Variants in TTC7A observed in about 807,000 individuals in gnomAD.
TTC7A encodes the protein tetratricopeptide repeat domain 7A, also known as tetratricopeptide repeat protein 7A.
A neutral mutation model predicts 103.7 loss-of-function variants in TTC7A; 110 were observed. That is an observed-to-expected ratio of 1.06 (90% confidence interval 0.91 to 1.24). The LOEUF is 1.24. Among genes scored for constraint, TTC7A ranks in the 50% most tolerant of loss-of-function variants. TTC7A has a pLI of 0.00. For synonymous variants in TTC7A, 521 were observed against 467.9 expected, an observed-to-expected ratio of 1.11 and a Z score of -1.47; for missense variants, 1,340 against 1,116.3, an observed-to-expected ratio of 1.20 and a Z score of -2.86.
At chr2:46,940,220 G>C (rs952991491), upstream of TTC7A, among the ~76,000 whole-genome samples, 1 of 152,168 alleles carries the variant, frequency 6.6e-6, no homozygotes, top group African/African-American at 2.4e-5. This position sits in a 1 kb window ranked among gnomAD's most constrained non-coding sequence, Gnocchi z 4.7. Context: ...GAAGACTCCA[G>C]AGGGAGGACG....
rs1271340445 is a variant in TTC7A at position 46,941,608 on chromosome 2, G to A, written c.67G>A (p.Glu23Lys). The A allele has an allele frequency of 4.5e-6, 7 of 1,556,540 alleles. No homozygotes were observed. Among genetic ancestry groups the A allele is most frequent in the South Asian group, 1.2e-5 (1 of 84,410 alleles). ...VESELERCRA[E>K]GHWDRMPELV... ...GAGCGAGCTGGAGCGCTGCCGCGCC[G>A]AGGGCCACTGGGACCGCATGCCGGA... is the stretch of plus-strand genomic sequence containing the variant. Residue 23 changes from glutamate to lysine, a missense_variant, in exon 1 of 20, where the codon GAG becomes AAG. Coordinates refer to ENST00000319190, the MANE Select transcript of TTC7A (RefSeq NM_020458.4). This position sits in a 1 kb window ranked among gnomAD's most constrained non-coding sequence, Gnocchi z 4.2.
At chr2:47,030,609 G>C (rs1488980023) in intron 15 of TTC7A, among the ~76,000 whole-genome samples, 1 of 152,198 alleles carries the variant, frequency 6.6e-6, no homozygotes, top group Non-Finnish European at 1.5e-5. Context: ...CAGTGGCCAA[G>C]GCCAACAATG....
chr2:47,031,155 AAGAGAG>A (rs373334743), intron 15 of TTC7A, among the ~76,000 whole-genome samples: 2 of 152,212 alleles, frequency 1.3e-5, no homozygotes, highest in Non-Finnish European at 2.9e-5. Context: ...TCAAAAAAGA[AAGAGAG>A]AGAGACTGCT....
intron 5 of TTC7A, among the ~76,000 whole-genome samples, chr2:46,993,100 AGACT>A (rs1308721501): frequency 1.3e-5 from 2 of 152,228 alleles, no homozygotes; most frequent in African/African-American, 4.8e-5. Context: ...GGAGAATTTG[AGACT>A]GACTGAGGTC....
At chr2:46,992,141 C>T (rs1244229719) in intron 5 of TTC7A, among the ~76,000 whole-genome samples, 1 of 152,170 alleles carries the variant, frequency 6.6e-6, no homozygotes, top group African/African-American at 2.4e-5. Flanking sequence ...CTCTGCTTTC[C>T]CTTGTGTGGT....
At chr2:47,046,152 A>C (rs116069237) in intron 15 of TTC7A, among the ~76,000 whole-genome samples, 163 bp from the exon 16 acceptor site, 95 of 152,314 alleles carry the variant, frequency 6.2e-4, no homozygotes, top group African/African-American at 2.3e-3. Flanking sequence ...CACACAGAGA[A>C]AGCAAGCGGT....
chr2:46,941,823 C>T lies in TTC7A; in HGVS notation c.184+98C>T. On this transcript the variant is annotated intron_variant, in intron 1 of 19. Coordinates refer to ENST00000319190, the MANE Select transcript of TTC7A (RefSeq NM_020458.4). The surrounding 1 kb of genome is among the most constrained non-coding windows in gnomAD (Gnocchi z 4.2). ...CAGACAGTCCTCGGCCGACAGCGGGCGCCTGCCAGCCCACCGTGCTAGTCT... is the reference window on the plus strand; with the variant it reads ...CAGACAGTCCTCGGCCGACAGCGGGTGCCTGCCAGCCCACCGTGCTAGTCT... 6.9e-7 allele frequency: 1 copy of T among 1,456,680 alleles called. No individual in the cohort carries two copies. The highest frequency in any genetic ancestry group is 9.3e-7 in the Non-Finnish European group (1 of 1,074,628). The allele number at this position is 1,456,680 out of a possible 1,614,324, so 90.2% of individuals were successfully genotyped here. A position where few individuals can be genotyped will look rare whatever the true frequency, so the allele number is the denominator to read the frequency against.
chr2:46,941,454 C>A lies in TTC7A; in HGVS notation c.-88C>A. On this transcript the variant is annotated 5_prime_UTR_variant, in exon 1 of 20. Transcript: ENST00000319190. The surrounding 1 kb of genome is among the most constrained non-coding windows in gnomAD (Gnocchi z 4.2). ...CTGCCGTCTGCGCCCCCGTCGACCCCGCCCGCGAGTGCGCCCCAGCCAGGA... is the reference window on the plus strand; with the variant it reads ...CTGCCGTCTGCGCCCCCGTCGACCCAGCCCGCGAGTGCGCCCCAGCCAGGA... 2 of 1,414,750 alleles carry A rather than the reference C, an allele frequency of 1.4e-6. No individual in the cohort carries two copies. The highest frequency in any genetic ancestry group is 1.9e-6 in the Non-Finnish European group (2 of 1,070,956). 87.6% of individuals were successfully genotyped at this position (1,414,750 alleles called of 1,614,324 possible).
chr2:47,025,389 C>A (rs1235022586), intron 14 of TTC7A, among the ~76,000 whole-genome samples: 1 of 152,180 alleles, frequency 6.6e-6, no homozygotes, highest in Non-Finnish European at 1.5e-5. Flanking sequence ...GCTCCCCTGA[C>A]CCTTTTGGAG....
In TTC7A at chr2:46,975,017, C is replaced by A; in HGVS notation, c.562C>A (p.Arg188Ser). ...RLPNSIASRF[R>S]LTEREEEVIT... Reference sequence around the variant, plus strand: ...ACCCAACTCCATCGCCTCCCGCTTCCGCCTGACAGAGAGGGAGGAGGAAGT... The same window carrying A: ...ACCCAACTCCATCGCCTCCCGCTTCAGCCTGACAGAGAGGGAGGAGGAAGT... The change falls in exon 4 of 20, where the codon CGC becomes AGC. Residue 188 changes from arginine (R) to serine (S), a missense_variant. Transcript: ENST00000319190. 1 of 1,614,052 alleles carries A rather than the reference C, an allele frequency of 6.2e-7. No homozygotes were observed. The highest frequency in any genetic ancestry group is 1.7e-4 in the Middle Eastern group (1 of 6,060).
At chr2:47,004,154 C>G (rs1392002694) in intron 8 of TTC7A, among the ~76,000 whole-genome samples, 2 of 152,204 alleles carry the variant, frequency 1.3e-5, no homozygotes, top group Non-Finnish European at 2.9e-5. Flanking sequence ...CCGGCACCCT[C>G]TCCTGGGCCA....
intron 11 of TTC7A, among the ~76,000 whole-genome samples, chr2:47,019,360 C>T (rs535828210): frequency 2.0e-5 from 3 of 151,592 alleles, no homozygotes; most frequent in African/African-American, 7.3e-5. Flanking sequence ...TAGTGAGACA[C>T]CATTTTCTAT....
At chr2:47,058,724 C>T (rs2104768547) in intron 18 of TTC7A, among the ~76,000 whole-genome samples, 1 of 152,350 alleles carries the variant, frequency 6.6e-6, no homozygotes, top group East Asian at 1.9e-4. Context: ...TGGACAAAGG[C>T]TGAGTGCCCA....
chr2:47,022,468 G>C (rs1042693219), intron 12 of TTC7A, among the ~76,000 whole-genome samples: 1 of 152,152 alleles, frequency 6.6e-6, no homozygotes, highest in Admixed American at 6.5e-5. Flanking sequence ...ACTTGTGCTC[G>C]GCTAATGGAT....
intron 15 of TTC7A, among the ~76,000 whole-genome samples, chr2:47,034,746 A>AC (rs1680924074): frequency 6.6e-6 from 1 of 151,750 alleles, no homozygotes; most frequent in African/African-American, 2.4e-5. Flanking sequence ...ACCTCTTCCC[A>AC]CCCCCTGGAA....
chr2:47,061,594 A>G (rs1002229372), intron 19 of TTC7A, among the ~76,000 whole-genome samples: 1 of 152,148 alleles, frequency 6.6e-6, no homozygotes, highest in Non-Finnish European at 1.5e-5. Context: ...GGAAGCTCAG[A>G]GGCTGGGGAG....
intron 15 of TTC7A, among the ~76,000 whole-genome samples, chr2:47,041,972 T>C (rs958223031): frequency 6.6e-6 from 1 of 151,928 alleles, no homozygotes; most frequent in African/African-American, 2.4e-5. Flanking sequence ...CCACCAAGTA[T>C]GAGATTCGAA....
chr2:47,036,439 ATAAT>A (rs1681115136), intron 15 of TTC7A, among the ~76,000 whole-genome samples: 1 of 152,238 alleles, frequency 6.6e-6, no homozygotes, highest in African/African-American at 2.4e-5. Flanking sequence ...CGAAGGAAAA[ATAAT>A]TAGTTTTAGG....
intron 2 of TTC7A, among the ~76,000 whole-genome samples, chr2:46,954,271 G>A (rs1166288693): frequency 6.6e-6 from 1 of 151,978 alleles, no homozygotes; most frequent in East Asian, 1.9e-4. Flanking sequence ...TAGGTGATGC[G>A]CTGATCCACA....
Sources: gnomAD v4.1 joint callset for allele counts (sites outside exome capture counted in the v4.1 genomes callset) on GRCh38, gnomAD v4.1.1 for gene constraint, Gnocchi (gnomAD v3.1) non-coding constraint, MANE v1.5 for transcripts, NCBI Gene and HGNC (gene_info 2026-07-23, HGNC 2026-07-21) for gene names.